NR5A2: variants seen among roughly 807,000 people sequenced by gnomAD.
NR5A2 encodes nuclear receptor subfamily 5 group A member 2.
Under a neutral mutation model 62.7 loss-of-function variants are expected in NR5A2, and 26 were observed. The ratio of observed to expected loss-of-function variants is 0.41; its 90% CI spans 0.30 to 0.58. The LOEUF (loss-of-function observed/expected upper bound fraction) is 0.58, where lower values mean the gene tolerates loss of function less well. Among genes scored for constraint, NR5A2 ranks in the 20% least tolerant of loss-of-function variants. The probability of loss-of-function intolerance (pLI) is 0.22; values close to 1 mark genes in which losing one functional copy is unlikely to be tolerated. For synonymous variants in NR5A2, 246 were observed against 241.7 expected, an observed-to-expected ratio of 1.02 and a Z score of -0.16; for missense variants, 541 against 669.1, an observed-to-expected ratio of 0.81 and a Z score of 2.11.
chr1:200,034,783 C>CTTTTTTTTTTTTTTTTTTTT (rs767393832), intron 1 of NR5A2, among the ~76,000 whole-genome samples: 1 of 71,284 alleles, frequency 1.4e-5, no homozygotes, highest in African/African-American at 5.3e-5. Flanking sequence ...AGCAGAAAGG[C>CTTTTTTTTTTTTTTTTTTTT]TTTTTTTTTT....
intron 5 of NR5A2, among the ~76,000 whole-genome samples, chr1:200,063,844 G>A (rs1486087906): frequency 6.6e-6 from 1 of 152,146 alleles, no homozygotes; most frequent in Non-Finnish European, 1.5e-5. Flanking sequence ...TGTACTGTGT[G>A]TCAATCCCTA....
chr1:200,050,666 G>A (rs1034228021), intron 5 of NR5A2, among the ~76,000 whole-genome samples: 5 of 152,174 alleles, frequency 3.3e-5, no homozygotes, highest in South Asian at 2.1e-4. Flanking sequence ...CAAGGCGGGC[G>A]GATCACCTGA....
chr1:200,127,997 A>C (rs1666805116), intron 7 of NR5A2, among the ~76,000 whole-genome samples: 1 of 151,950 alleles, frequency 6.6e-6, no homozygotes, highest in Non-Finnish European at 1.5e-5. Flanking sequence ...TATTGGTAGA[A>C]GCAGAGAAAT....
intron 7 of NR5A2, among the ~76,000 whole-genome samples, chr1:200,169,036 A>G (rs1654046981): frequency 6.6e-6 from 1 of 152,106 alleles, no homozygotes; most frequent in South Asian, 2.1e-4. Context: ...TATGTCCTTT[A>G]AAAGATTAGA....
At chr1:200,162,305 C>T (rs77686316) in intron 7 of NR5A2, among the ~76,000 whole-genome samples, 4,580 of 152,210 alleles carry the variant, frequency 0.03, 94 homozygotes, top group East Asian at 0.053. Context: ...GCTTCCTGGA[C>T]GTAATGATAT....
chr1:200,144,036 T>C (rs1667562103), intron 7 of NR5A2, among the ~76,000 whole-genome samples: 1 of 152,050 alleles, frequency 6.6e-6, no homozygotes, highest in Non-Finnish European at 1.5e-5. Context: ...TCCTTTTCTC[T>C]CCCTTTGTAT....
At chr1:200,168,567 A>G (rs1444409959) in intron 7 of NR5A2, among the ~76,000 whole-genome samples, 2 of 152,134 alleles carry the variant, frequency 1.3e-5, no homozygotes, top group Non-Finnish European at 2.9e-5. Context: ...CTCTTGGGTT[A>G]GTGTGTGTGC....
At chr1:200,150,902 C>G (rs1325924646) in intron 7 of NR5A2, among the ~76,000 whole-genome samples, 1 of 152,208 alleles carries the variant, frequency 6.6e-6, no homozygotes, top group African/African-American at 2.4e-5. Context: ...TCTTCACTAG[C>G]AACGCCCAGG....
At chr1:200,114,320 T>TAGA (rs1553274055) in intron 6 of NR5A2, among the ~76,000 whole-genome samples, 2 of 150,570 alleles carry the variant, frequency 1.3e-5, no homozygotes, top group African/African-American at 4.9e-5. Context: ...GATATGAAAG[T>TAGA]TGAAGGAGGC....
intron 3 of NR5A2, among the ~76,000 whole-genome samples, chr1:200,045,166 A>T (rs1553265072): frequency 6.6e-6 from 1 of 152,104 alleles, no homozygotes; most frequent in Non-Finnish European, 1.5e-5. Context: ...TATAGAGTGT[A>T]TTTTTTCTGA....
At chr1:200,166,477 A>G (rs1267831033) in intron 7 of NR5A2, among the ~76,000 whole-genome samples, 3 of 152,202 alleles carry the variant, frequency 2.0e-5, no homozygotes, top group Admixed American at 6.5e-5. Flanking sequence ...TCAAATGTAT[A>G]TTATTTCATT....
chr1:200,145,962 G>T (rs754551291), intron 7 of NR5A2, among the ~76,000 whole-genome samples: 11 of 152,074 alleles, frequency 7.2e-5, no homozygotes, highest in Non-Finnish European at 1.0e-4. Flanking sequence ...CTTTACTAAA[G>T]ATTCATTACC....
chr1:200,033,229 C>G (rs552019613), intron 1 of NR5A2, among the ~76,000 whole-genome samples: 12 of 152,068 alleles, frequency 7.9e-5, no homozygotes, highest in Admixed American at 7.2e-4. Context: ...GGGTTACCAA[C>G]AGATGGTGAG....
intron 7 of NR5A2, among the ~76,000 whole-genome samples, chr1:200,143,689 C>T (rs971270987): frequency 7.9e-4 from 112 of 141,836 alleles, no homozygotes; most frequent in African/African-American, 2.5e-3. Flanking sequence ...GTTGCCCAGG[C>T]TGGAGTGCAG....
In NR5A2 at chr1:200,045,546, G is replaced by A. The variant is rs746191281; in HGVS notation, c.425G>A (p.Arg142His). The stretch of plus-strand genomic sequence containing the variant: ...CAGAGAAAGCGTTGTCCTTACTGTC[G>A]TTTTCAAAAATGTCTAAGTGTTGGA... ...KTQRKRCPYC[R>H]FQKCLSVGMK... Residue 142 changes from arginine (R) to histidine (H), a missense_variant, in exon 4 of 8, where the codon CGT becomes CAT. Physicochemically the swap from Arg to His is conservative, Grantham distance 29. Around this residue, in one of 3 missense-constraint regions of NR5A2, gnomAD observed 54 missense variants for 123.8 expected, o/e 0.44. Transcript: ENST00000367362. 6.2e-6 allele frequency: 10 copies of A among 1,612,756 alleles called. No individual in the cohort carries two copies. The highest frequency in any genetic ancestry group is 1.7e-5 in the Admixed American group (1 of 59,846).
chr1:200,032,107 C>T (rs1385547062), intron 1 of NR5A2, among the ~76,000 whole-genome samples: 2 of 152,206 alleles, frequency 1.3e-5, no homozygotes, highest in African/African-American at 2.4e-5. Context: ...GCAGGCAAGA[C>T]AACTTCACTC....
At chr1:200,173,589 G>A (rs545385813) in intron 7 of NR5A2, among the ~76,000 whole-genome samples, 32 of 152,320 alleles carry the variant, frequency 2.1e-4, no homozygotes, top group Non-Finnish European at 4.0e-4. Context: ...TATATGAATT[G>A]TGTAATATAC....
At chr1:200,166,597 G>T (rs1238970128) in intron 7 of NR5A2, among the ~76,000 whole-genome samples, 3 of 152,116 alleles carry the variant, frequency 2.0e-5, no homozygotes, top group Non-Finnish European at 4.4e-5. Context: ...ACAGAAACTT[G>T]CAGGCATTGA....
intron 7 of NR5A2, among the ~76,000 whole-genome samples, chr1:200,145,306 T>C (rs970797539): frequency 1.3e-5 from 2 of 151,908 alleles, no homozygotes; most frequent in Non-Finnish European, 2.9e-5. Flanking sequence ...CAGGACTGTC[T>C]CAAAAAAAAA....
Sources: allele counts gnomAD v4.1 joint callset (sites outside exome capture counted in the v4.1 genomes callset), GRCh38; gene constraint gnomAD v4.1.1; regional missense constraint gnomAD v4.1.1; transcripts MANE v1.5; gene names NCBI Gene and HGNC (gene_info 2026-07-23, HGNC 2026-07-21).